CFAP74: variants seen among roughly 807,000 people sequenced by gnomAD.
CFAP74 encodes the protein cilia and flagella associated protein 74.
A neutral mutation model predicts 188.9 loss-of-function variants in CFAP74; 124 were observed. The ratio of observed to expected loss-of-function variants is 0.66; its 90% CI spans 0.57 to 0.76. The LOEUF (loss-of-function observed/expected upper bound fraction) is 0.76. CFAP74 is among the 30% of genes least tolerant of loss of function. The pLI, the probability that CFAP74 is intolerant of heterozygous loss-of-function variation, is 0.00. For missense variants in CFAP74, 2,198 were observed against 2,165.2 expected, an observed-to-expected ratio of 1.02 and a Z score of -0.30; for synonymous variants, 956 against 916.7, an observed-to-expected ratio of 1.04 and a Z score of -0.77.
rs1353210789 is a variant in CFAP74, at chr1:1,924,446, G to A, written c.4179C>T (p.Gly1393=). 9 of 1,577,796 alleles carry A rather than the reference G, an allele frequency of 5.7e-6. No individual in the cohort carries two copies. The highest frequency in any genetic ancestry group is 1.1e-5 in the South Asian group (1 of 87,502). Residue 1393 remains glycine, a synonymous_variant, in exon 34 of 39, where the codon GGC becomes GGT. Transcript: ENST00000682832. Reference sequence around the variant, plus strand: ...TGAGGAACTGCGGCAGCTGCTGCTGGCCCCGGCCCCGGGTGCTGGAGAGGC... The same window carrying A: ...TGAGGAACTGCGGCAGCTGCTGCTGACCCCGGCCCCGGGTGCTGGAGAGGC... ...LDSLSSTRGR[G]QQQLPQFLSS...
Position 1,938,950 on chromosome 1 carries a change from G to A in CFAP74, c.2916C>T (p.Ile972=), listed in dbSNP as rs1653153128. The A allele has an allele frequency of 6.5e-7, 1 of 1,536,166 alleles. No homozygotes were observed. The highest frequency in any genetic ancestry group is 8.7e-7 in the Non-Finnish European group (1 of 1,146,914). The change falls in exon 25 of 39, where the codon ATC becomes ATT. Residue 972 remains isoleucine (I), a synonymous_variant. Transcript: ENST00000682832. Reference sequence around the variant, plus strand: ...AGAACTGCAGCGTTTCCAGGGGCAGGATCGTCCCAAACCCATCGTTGGGTT... The same window carrying A: ...AGAACTGCAGCGTTTCCAGGGGCAGAATCGTCCCAAACCCATCGTTGGGTT... ...DVQPNDGFGT[I]LPLETLQFCV...
intron 19 of CFAP74, 22 bp from the exon 20 acceptor site, chr1:1,946,461 G>A: frequency 2.6e-6 from 4 of 1,521,658 alleles, no homozygotes; most frequent in South Asian, 1.2e-5. Flanking sequence ...GAGATGCCAT[G>A]GGGTCTGCCA....
chr1:1,924,036 C>A (rs552669720), intron 34 of CFAP74, 107 bp from the exon 35 acceptor site: 2 of 1,180,806 alleles, frequency 1.7e-6, no homozygotes, highest in South Asian at 3.1e-5. Context: ...CCCTGCAGAG[C>A]CCCTGTCCTG....
Position 1,956,736 on chromosome 1 carries a change from C to T in CFAP74, c.1900G>A (p.Glu634Lys), listed in dbSNP as rs1305050401. 9.3e-6 allele frequency: 15 copies of T among 1,613,826 alleles called. No individual in the cohort carries two copies. The highest frequency in any genetic ancestry group is 1.3e-5 in the Non-Finnish European group (15 of 1,179,874). The change falls in exon 17 of 39, where the codon GAG becomes AAG. Residue 634 changes from glutamate (E) to lysine (K), a missense_variant. Transcript: ENST00000682832. ...AGCGTGATGGTCCGAGACGTGGTCT[C>T]TCCTACCACGTAGCTGCCGAAGTCA... ...LIDFGSYVVG[E>K]TTSRTITLTN...
Position 1,964,977 on chromosome 1 carries a change from G to A in CFAP74, c.1486C>T (p.Arg496Trp), listed in dbSNP as rs758097947. The A allele has an allele frequency of 5.0e-6, 8 of 1,613,768 alleles. No individual in the cohort carries two copies. Among genetic ancestry groups the A allele is most frequent in the African/African-American group, 4.0e-5 (3 of 74,936 alleles). The change falls in exon 13 of 39, where the codon CGG becomes TGG. Residue 496 changes from arginine to tryptophan, a missense_variant. Arg to Trp is a moderately radical substitution (Grantham distance 101). Transcript: ENST00000682832. ...DILERTVERL[R>W]SRVVHKQVVW... is the part of the protein sequence containing the mutation. ...ACCTGCTTGTGGACCACCCTGCTCC[G>A]CAGCCGCTCCACCGTGCGCTCCAGG...
In CFAP74 at chr1:1,925,802, G is replaced by T; in HGVS notation, c.4085C>A (p.Ser1362Tyr). Residue 1362 changes from serine (S) to tyrosine (Y), a missense_variant, in exon 33 of 39, where the codon TCT (serine) becomes TAT (tyrosine). Ser to Tyr is a moderately radical substitution (Grantham distance 144). Coordinates refer to ENST00000682832, the MANE Select transcript of CFAP74 (RefSeq NM_001304360.2). ...CTTCACCTTGAAGCCTGAGGACACA[G>T]ACTCTCCGGCAATCACATAGCCCAT... is the stretch of plus-strand genomic sequence containing the variant. ...LNMGYVIAGE[S>Y]VSSGFKLQNN... 2 of 1,612,544 alleles carry T rather than the reference G, an allele frequency of 1.2e-6. No individual in the cohort carries two copies. Among genetic ancestry groups the T allele is most frequent in the Non-Finnish European group, 1.7e-6 (2 of 1,179,806 alleles).
At chr1:1,924,224 A>ACCACCCCCCAGCTCACAGC (rs1651650232) in intron 34 of CFAP74, among the ~76,000 whole-genome samples, 167 bp downstream of exon 34, 1 of 32,088 alleles carries the variant, frequency 3.1e-5, no homozygotes, top group Non-Finnish European at 6.1e-5. Context: ...CAGCTCACCG[A>ACCACCCCCCAGCTCACAGC]CCACCCCCCT....
rs1386630989 is a variant in CFAP74 at position 1,970,836 on chromosome 1, G to A, written c.889-20C>T. On this transcript the variant is annotated intron_variant, in intron 9 of 38. Transcript: ENST00000682832. The stretch of plus-strand genomic sequence containing the variant: ...TGTGTCCTTGGAAACAGAGAGCACT[G>A]AGATGACAGCAGCAGCACCCACGGG... 22 of 1,613,034 alleles carry A rather than the reference G, an allele frequency of 1.4e-5. No homozygotes were observed. The highest frequency in any genetic ancestry group is 1.6e-4 in the Middle Eastern group (1 of 6,080).
At chr1:1,933,755 T>C (rs373409103) in intron 25 of CFAP74, among the ~76,000 whole-genome samples, 97 of 152,360 alleles carry the variant, frequency 6.4e-4, no homozygotes, top group African/African-American at 2.2e-3. Flanking sequence ...TTTTCTCTGT[T>C]GAATATTGCA....
chr1:1,987,455 C>T (rs957261467), intron 4 of CFAP74, among the ~76,000 whole-genome samples: 7 of 152,100 alleles, frequency 4.6e-5, no homozygotes, highest in African/African-American at 1.7e-4. Flanking sequence ...TGGGCCGGGA[C>T]AGAATCCAGT....
At chr1:1,984,778 T>A (rs1293836159) in intron 6 of CFAP74, 2 of 152,556 alleles carry the variant, frequency 1.3e-5, no homozygotes, top group Non-Finnish European at 2.9e-5. Flanking sequence ...CTCTTAGGGG[T>A]GGGGTGGCCT....
chr1:1,942,127 T>C lies in CFAP74; in HGVS notation c.2516A>G (p.Glu839Gly). ...GTGGGCCCTCAGCTCCTTGCACACC[T>C]CGAACTTCAGGCGCAGGGCAGCTTT... ...RSKAALRLKF[E>G]VCKELRAHLE... is the part of the protein sequence containing the mutation. Residue 839 changes from glutamate to glycine, a missense_variant, in exon 22 of 39, where the codon GAG becomes GGG. By Grantham distance (98) the Glu-to-Gly change is moderately conservative. Transcript: ENST00000682832. The surrounding 1 kb of genome is among the most constrained non-coding windows in gnomAD (Gnocchi z 4.3). 1 of 1,527,202 alleles carries C rather than the reference T, an allele frequency of 6.5e-7. No homozygotes were observed. Among genetic ancestry groups the C allele is most frequent in the South Asian group, 1.2e-5 (1 of 82,756 alleles). The allele number at this position is 1,527,202 out of a possible 1,614,324, so 94.6% of individuals were successfully genotyped here. A position where few individuals can be genotyped will look rare whatever the true frequency, so the allele number is the denominator to read the frequency against.
chr1:1,931,727 G>C (rs1652396588), intron 25 of CFAP74, among the ~76,000 whole-genome samples: 1 of 110,292 alleles, frequency 9.1e-6, no homozygotes, highest in South Asian at 3.0e-4. Context: ...ACAGAGCAAA[G>C]ACTCTGTCTC....
rs1019599205 is a variant in CFAP74, at chr1:1,968,552, T to C, written c.1245+83A>G. ...CCATGGTGCTGAGGTCCTCAGAGGA[T>C]GTCTCACCACACCTGAGCCCTGAGG... On this transcript the variant is annotated intron_variant, in intron 11 of 38. Coordinates refer to ENST00000682832, the MANE Select transcript of CFAP74 (RefSeq NM_001304360.2). The surrounding 1 kb of genome is among the most constrained non-coding windows in gnomAD (Gnocchi z 4.3). 2.5e-6 allele frequency: 3 copies of C among 1,208,862 alleles called. No homozygotes were observed. The highest frequency in any genetic ancestry group is 3.6e-6 in the Non-Finnish European group (3 of 834,456). 74.9% of individuals were successfully genotyped at this position (1,208,862 alleles called of 1,614,324 possible).
chr1:1,930,548 A>C (rs1652294346), intron 25 of CFAP74, among the ~76,000 whole-genome samples: 1 of 152,188 alleles, frequency 6.6e-6, no homozygotes, highest in African/African-American at 2.4e-5. Context: ...TAAAAATTTT[A>C]AACCGTATTT....
At chr1:2,001,771 C>T (rs1167561799) in intron 1 of CFAP74, among the ~76,000 whole-genome samples, 1 of 152,150 alleles carries the variant, frequency 6.6e-6, no homozygotes, top group Non-Finnish European at 1.5e-5. Flanking sequence ...AATGAACAGG[C>T]CACGGTGTCA....
At chr1:1,933,525 TTTG>T (rs1231646193) in intron 25 of CFAP74, among the ~76,000 whole-genome samples, 5 of 152,220 alleles carry the variant, frequency 3.3e-5, no homozygotes, top group African/African-American at 1.2e-4. Context: ...CATTGTGTAT[TTTG>T]AGGAATTTGT....
At position 1,930,097 on chromosome 1, in the gene CFAP74, G is replaced by T. The variant is rs1400798077; in HGVS notation, c.3251C>A (p.Thr1084Asn). 6.5e-7 allele frequency: 1 copy of T among 1,533,988 alleles called. No homozygotes were observed. The highest frequency in any genetic ancestry group is 8.7e-7 in the Non-Finnish European group (1 of 1,145,362). Reference sequence around the variant, plus strand: ...CACGGTCCCCACTGAGGGCGAGATGGTGATAGGCGAGTCTGGGGGCAGCAG... The same window carrying T: ...CACGGTCCCCACTGAGGGCGAGATGTTGATAGGCGAGTCTGGGGGCAGCAG... ...EFLLPPDSPI[T>N]ISPSVGTVWP... Residue 1084 changes from threonine to asparagine, a missense_variant, in exon 26 of 39, where the codon ACC becomes AAC. Coordinates refer to ENST00000682832, the MANE Select transcript of CFAP74 (RefSeq NM_001304360.2).
At chr1:1,955,174 G>A (rs771533914) in intron 18 of CFAP74, 27 of 1,286,418 alleles carry the variant, frequency 2.1e-5, no homozygotes, top group Middle Eastern at 2.8e-4. Flanking sequence ...GGAGGAGGAC[G>A]GAGGTTTCTG....
Sources: allele counts gnomAD v4.1 joint callset (sites outside exome capture counted in the v4.1 genomes callset), GRCh38; gene constraint gnomAD v4.1.1; non-coding constraint Gnocchi (gnomAD v3.1); transcripts MANE v1.5; gene names NCBI Gene and HGNC (gene_info 2026-07-23, HGNC 2026-07-21).